Variants in ST3GAL3 observed in about 807,000 individuals in gnomAD.
ST3GAL3 encodes ST3 beta-galactoside alpha-2,3-sialyltransferase 3, also known as CMP-N-acetylneuraminate-beta-1,4-galactoside alpha-2,3-sialyltransferase.
In ST3GAL3, 21 loss-of-function variants were observed where a neutral mutation model predicts 50.1. The ratio of observed to expected loss-of-function variants is 0.42; its 90% CI spans 0.30 to 0.60. ST3GAL3 has a LOEUF of 0.60. Among genes scored for constraint, ST3GAL3 ranks in the 20% least tolerant of loss-of-function variants. The pLI is 0.19. For synonymous variants in ST3GAL3, 183 were observed against 190.0 expected (o/e 0.96, Z 0.30); for missense variants, 353 against 489.4 (o/e 0.72, Z 2.63).
intron 2 of ST3GAL3, among the ~76,000 whole-genome samples, chr1:43,758,200 A>C (rs1317740706): frequency 6.9e-6 from 1 of 144,112 alleles, no homozygotes; most frequent in African/African-American, 2.5e-5. Flanking sequence ...CATCCAATCA[A>C]TATTTGGCAT....
intron 3 of ST3GAL3, among the ~76,000 whole-genome samples, chr1:43,805,349 C>T (rs1573213335): frequency 6.6e-6 from 1 of 152,188 alleles, no homozygotes; most frequent in South Asian, 2.1e-4. Context: ...TAAATCCCAT[C>T]GACAGTCTCA....
chr1:43,770,605 G>C (rs1024036205), intron 2 of ST3GAL3, among the ~76,000 whole-genome samples: 1 of 152,036 alleles, frequency 6.6e-6, no homozygotes, highest in African/African-American at 2.4e-5. Flanking sequence ...ATATTGCCCA[G>C]ATTAGTCTTG....
At chr1:43,882,958 T>TA (rs1380310880) in intron 5 of ST3GAL3, among the ~76,000 whole-genome samples, 1 of 43,514 alleles carries the variant, frequency 2.3e-5, no homozygotes, top group Non-Finnish European at 7.7e-5. Context: ...TTTATTTATT[T>TA]ATTTATTTAT....
intron 1 of ST3GAL3, among the ~76,000 whole-genome samples, chr1:43,730,563 TTTTC>T (rs1189525964): frequency 6.9e-6 from 1 of 145,568 alleles, no homozygotes; most frequent in African/African-American, 2.6e-5. Context: ...CTTTCTTTTC[TTTTC>T]TTTCTTTTTT....
intron 3 of ST3GAL3, among the ~76,000 whole-genome samples, chr1:43,813,440 G>GT (rs1336489889): frequency 6.6e-6 from 1 of 152,098 alleles, no homozygotes; most frequent in African/African-American, 2.4e-5. Flanking sequence ...TTCTTGATAT[G>GT]TTAAGGCAAG....
chr1:43,892,908 C>T (rs1431744693), intron 5 of ST3GAL3, among the ~76,000 whole-genome samples: 1 of 152,148 alleles, frequency 6.6e-6, no homozygotes, highest in East Asian at 1.9e-4. Flanking sequence ...TCTGGCAAAA[C>T]ATCAAATATA....
At chr1:43,779,443 G>A (rs1698613467) in intron 2 of ST3GAL3, among the ~76,000 whole-genome samples, 1 of 152,176 alleles carries the variant, frequency 6.6e-6, no homozygotes, top group Non-Finnish European at 1.5e-5. Context: ...AACAAAAAAA[G>A]CACTTCCTCA....
chr1:43,732,329 G>T (rs1379835913), intron 1 of ST3GAL3, among the ~76,000 whole-genome samples: 1 of 152,210 alleles, frequency 6.6e-6, no homozygotes, highest in South Asian at 2.1e-4. Context: ...GTTGGGAGGA[G>T]TCAGACTATG....
At chr1:43,815,932 T>TGGATGGATG (rs751361563) in intron 4 of ST3GAL3, among the ~76,000 whole-genome samples, 1 of 148,326 alleles carries the variant, frequency 6.7e-6, no homozygotes, top group Non-Finnish European at 1.5e-5. Context: ...GATGGATGGA[T>TGGATGGATG]GATGGTAGGA....
intron 5 of ST3GAL3, among the ~76,000 whole-genome samples, chr1:43,877,814 C>T (rs1349763586): frequency 6.6e-6 from 1 of 152,224 alleles, no homozygotes; most frequent in Non-Finnish European, 1.5e-5. Context: ...CCTTGTGCCC[C>T]TTCCCTGAAG....
chr1:43,762,912 G>A (rs1691088371), intron 2 of ST3GAL3, among the ~76,000 whole-genome samples: 1 of 152,130 alleles, frequency 6.6e-6, no homozygotes, highest in Admixed American at 6.6e-5. Context: ...AGAAGCCTGA[G>A]AAGGAGCAGC....
At chr1:43,848,299 T>C (rs1249135251) in intron 5 of ST3GAL3, among the ~76,000 whole-genome samples, 1 of 143,354 alleles carries the variant, frequency 7.0e-6, no homozygotes, top group Non-Finnish European at 1.5e-5. Flanking sequence ...GTTTTCTTTT[T>C]TTTTTTTTTT....
intron 5 of ST3GAL3, chr1:43,838,539 TC>T: frequency 1.9e-6 from 1 of 513,586 alleles, no homozygotes; most frequent in Non-Finnish European, 3.6e-6. Context: ...ACAGCCTGTT[TC>T]TGCAGAAGGA....
chr1:43,896,461 C>T (rs180906347), intron 6 of ST3GAL3, among the ~76,000 whole-genome samples: 8 of 152,296 alleles, frequency 5.3e-5, no homozygotes, highest in East Asian at 3.9e-4. Flanking sequence ...AAAGCTTCTG[C>T]GGGTCCCTTC....
chr1:43,849,583 T>C (rs2066903691), intron 5 of ST3GAL3, among the ~76,000 whole-genome samples: 1 of 152,210 alleles, frequency 6.6e-6, no homozygotes, highest in African/African-American at 2.4e-5. Flanking sequence ...TAAAGTTTCT[T>C]TGGGAAGGTG....
intron 3 of ST3GAL3, among the ~76,000 whole-genome samples, chr1:43,805,414 G>C (rs543405216): frequency 1.3e-5 from 2 of 152,336 alleles, no homozygotes; most frequent in South Asian, 4.1e-4. Flanking sequence ...CAAGGGGCTT[G>C]TTTCTAAAAG....
At chr1:43,803,073 G>A (rs1367251415) in intron 3 of ST3GAL3, among the ~76,000 whole-genome samples, 1 of 151,968 alleles carries the variant, frequency 6.6e-6, no homozygotes, top group East Asian at 1.9e-4. Flanking sequence ...CTACAGGCAC[G>A]TGCCACCACA....
chr1:43,762,770 A>T (rs1291826679), intron 2 of ST3GAL3, among the ~76,000 whole-genome samples: 1 of 152,146 alleles, frequency 6.6e-6, no homozygotes, highest in Admixed American at 6.5e-5. Flanking sequence ...CTGGGAAGAA[A>T]ACTGATAGCT....
At chr1:43,857,432 T>C (rs1009673521) in intron 5 of ST3GAL3, among the ~76,000 whole-genome samples, 28 of 152,066 alleles carry the variant, frequency 1.8e-4, no homozygotes, top group Non-Finnish European at 3.7e-4. Flanking sequence ...AAACCAAACT[T>C]TTAAAAATGG....
Sources: allele counts gnomAD v4.1 joint callset (sites outside exome capture counted in the v4.1 genomes callset), GRCh38; gene constraint gnomAD v4.1.1; transcripts MANE v1.5; gene names NCBI Gene and HGNC (gene_info 2026-07-23, HGNC 2026-07-21).